DNM3: variants seen among roughly 807,000 people sequenced by gnomAD.
DNM3 encodes dynamin 3.
Under a neutral mutation model 101.6 loss-of-function variants are expected in DNM3, and 47 were observed. The ratio of observed to expected loss-of-function variants is 0.46; its 90% CI spans 0.37 to 0.59. The LOEUF (loss-of-function observed/expected upper bound fraction) is 0.59, where lower values mean the gene tolerates loss of function less well. Among genes scored for constraint, DNM3 ranks in the 20% least tolerant of loss-of-function variants. DNM3 has a pLI of 0.00. For missense variants in DNM3, 849 were observed against 1,085.7 expected, an observed-to-expected ratio of 0.78 and a Z score of 3.06; for synonymous variants, 385 against 387.9, an observed-to-expected ratio of 0.99 and a Z score of 0.09.
chr1:172,016,338 T>C (rs2047452189), intron 4 of DNM3, among the ~76,000 whole-genome samples: 1 of 152,244 alleles, frequency 6.6e-6, no homozygotes, highest in Admixed American at 6.5e-5. Flanking sequence ...GTCAATTTTT[T>C]CTGCATCTTT....
intron 14 of DNM3, among the ~76,000 whole-genome samples, chr1:172,225,429 C>T (rs1365461716): frequency 6.6e-6 from 1 of 151,972 alleles, no homozygotes; most frequent in South Asian, 2.1e-4. Context: ...GCCACCGTAC[C>T]CGACCGTCCC....
At chr1:171,862,357 G>A (rs2034265827) in intron 1 of DNM3, among the ~76,000 whole-genome samples, 1 of 152,090 alleles carries the variant, frequency 6.6e-6, no homozygotes, top group Non-Finnish European at 1.5e-5. Flanking sequence ...ATTGATCAAT[G>A]AATAAACAAA....
At chr1:172,361,157 T>C (rs1388147488) in intron 17 of DNM3, among the ~76,000 whole-genome samples, 1 of 152,002 alleles carries the variant, frequency 6.6e-6, no homozygotes, top group Non-Finnish European at 1.5e-5. Flanking sequence ...GCACTTGTTC[T>C]CGTTTCACTG....
At chr1:172,072,818 C>T (rs12117698) in intron 11 of DNM3, among the ~76,000 whole-genome samples, 2 of 151,996 alleles carry the variant, frequency 1.3e-5, no homozygotes, top group Admixed American at 1.3e-4. Context: ...ACCCAGGAGG[C>T]GGAGGTTGCA....
At position 172,347,194 on chromosome 1, in the gene DNM3, G is replaced by GCCC. The variant is rs58835347; in HGVS notation, c.1893+23860_1893+23862dup. ...ACCACCCTCAGAGGAACTAGCAGAAGCCCCCCCCGCCAAAAAAAATTATTT... is the reference window on the plus strand; with the variant it reads ...ACCACCCTCAGAGGAACTAGCAGAAGCCCCCCCCCCCGCCAAAAAAAATTATTT... On this transcript the variant is annotated intron_variant, in intron 17 of 20. Transcript: ENST00000627582. Among the ~76,000 whole-genome samples, 483 of 147,258 alleles carry GCCC rather than the reference G, an allele frequency of 3.3e-3. 2 individuals are homozygous for GCCC. Among genetic ancestry groups the GCCC allele is most frequent in the African/African-American group, 0.01 (408 of 38,868 alleles).
chr1:172,218,814 A>G (rs2060797982), intron 14 of DNM3, among the ~76,000 whole-genome samples: 1 of 152,086 alleles, frequency 6.6e-6, no homozygotes, highest in Admixed American at 6.6e-5. Context: ...TAAAAGTATA[A>G]GCATATAATA....
At chr1:172,093,607 C>A in intron 13 of DNM3, 2 of 1,172,502 alleles carry the variant, frequency 1.7e-6, no homozygotes, top group South Asian at 1.7e-5. Flanking sequence ...ATTTTTTTCC[C>A]ATTGTTTTGA....
intron 14 of DNM3, among the ~76,000 whole-genome samples, chr1:172,225,440 T>G (rs1055457048): frequency 2.0e-5 from 3 of 152,020 alleles, no homozygotes; most frequent in Non-Finnish European, 4.4e-5. Context: ...CGACCGTCCC[T>G]CCTTCTAATG....
chr1:172,004,460 T>A (rs2046547523), intron 4 of DNM3, among the ~76,000 whole-genome samples: 1 of 151,952 alleles, frequency 6.6e-6, no homozygotes, highest in Admixed American at 6.6e-5. Flanking sequence ...GCTGCTTGGA[T>A]AATGGCGGAA....
At chr1:172,166,601 G>A (rs978024207) in intron 14 of DNM3, among the ~76,000 whole-genome samples, 2 of 152,020 alleles carry the variant, frequency 1.3e-5, no homozygotes, top group African/African-American at 4.8e-5. Context: ...ATCTGTTTTT[G>A]AATTCTAAGT....
rs775729513 is a variant in DNM3, at chr1:171,841,833, G to T, written c.161+16G>T. 1.2e-6 allele frequency: 2 copies of T among 1,601,088 alleles called. No individual in the cohort carries two copies. The highest frequency in any genetic ancestry group is 4.5e-5 in the East Asian group (2 of 44,576). ...TCGTGGGCAGGTAAGCGCGCAGGGC[G>T]CGGAGTAAGGATGCGGCAGTGGGGC... On this transcript the variant is annotated intron_variant, in intron 1 of 20. Coordinates refer to ENST00000627582, the MANE Select transcript of DNM3 (RefSeq NM_015569.5).
chr1:172,084,327 C>T (rs1301564771), intron 12 of DNM3, among the ~76,000 whole-genome samples: 1 of 152,122 alleles, frequency 6.6e-6, no homozygotes, highest in Non-Finnish European at 1.5e-5. Flanking sequence ...TGCACGTGTG[C>T]ACACATACAC....
At chr1:172,149,329 C>G (rs1234071400) in intron 14 of DNM3, among the ~76,000 whole-genome samples, 5 of 152,082 alleles carry the variant, frequency 3.3e-5, no homozygotes, top group Non-Finnish European at 5.9e-5. Flanking sequence ...TTTTATATTT[C>G]AGTAGCATAA....
At chr1:172,385,695 C>A (rs2069141764) in intron 18 of DNM3, among the ~76,000 whole-genome samples, 1 of 152,128 alleles carries the variant, frequency 6.6e-6, no homozygotes, top group Non-Finnish European at 1.5e-5. Flanking sequence ...CAAATTTAAC[C>A]ATATCCTAGA....
chr1:171,988,275 A>G (rs2045406592), intron 3 of DNM3, among the ~76,000 whole-genome samples: 1 of 152,146 alleles, frequency 6.6e-6, no homozygotes, highest in Admixed American at 6.6e-5. Context: ...ATGGGAAATA[A>G]CCTGTATGCT....
intron 15 of DNM3, among the ~76,000 whole-genome samples, chr1:172,260,110 T>C (rs1018413909): frequency 6.6e-6 from 1 of 152,146 alleles, no homozygotes; most frequent in African/African-American, 2.4e-5. Flanking sequence ...TATTTTTGGC[T>C]AGCACATTTT....
chr1:172,028,011 C>T (rs1273425929), intron 4 of DNM3, among the ~76,000 whole-genome samples: 6 of 151,918 alleles, frequency 3.9e-5, no homozygotes, highest in African/African-American at 1.2e-4. Context: ...ATTAGGTCAA[C>T]GAGACAGAAA....
At chr1:171,919,395 G>T (rs375653476) in intron 1 of DNM3, among the ~76,000 whole-genome samples, 4 of 152,142 alleles carry the variant, frequency 2.6e-5, no homozygotes, top group Admixed American at 6.5e-5. Flanking sequence ...TTATGAGTGA[G>T]AACATGCGGT....
At chr1:172,254,276 A>G (rs559371745) in intron 15 of DNM3, among the ~76,000 whole-genome samples, 1 of 152,252 alleles carries the variant, frequency 6.6e-6, no homozygotes, top group Non-Finnish European at 1.5e-5. Context: ...TCTTGTCCCA[A>G]TATATTGTTT....
Sources: gnomAD v4.1 joint callset for allele counts (sites outside exome capture counted in the v4.1 genomes callset) on GRCh38, gnomAD v4.1.1 for gene constraint, MANE v1.5 for transcripts, NCBI Gene and HGNC (gene_info 2026-07-23, HGNC 2026-07-21) for gene names.